Variants in SMIM14 observed in about 807,000 individuals in gnomAD.
The protein encoded by SMIM14 is small integral membrane protein 14, also known as chromosome 4 open reading frame 34.
In SMIM14, 5 loss-of-function variants were observed where a neutral mutation model predicts 12.6. The observed-to-expected ratio is 0.40, with a 90% CI of 0.21 to 0.83. The LOEUF (loss-of-function observed/expected upper bound fraction) is 0.83. Ranked by LOEUF, SMIM14 falls within the 40% of genes least tolerant of loss-of-function variation. The probability of loss-of-function intolerance (pLI) is 0.37; values close to 1 mark genes in which losing one functional copy is unlikely to be tolerated. For missense variants in SMIM14, 86 were observed against 119.1 expected, an observed-to-expected ratio of 0.72 and a Z score of 1.29; for synonymous variants, 30 against 40.1, an observed-to-expected ratio of 0.75 and a Z score of 0.95.
At chr4:39,607,797 T>C (rs938623678) in intron 1 of SMIM14, among the ~76,000 whole-genome samples, 3 of 152,200 alleles carry the variant, frequency 2.0e-5, no homozygotes, top group African/African-American at 7.2e-5. Context: ...GATAAAGGTT[T>C]AGTATTCACA....
rs188306721 is a variant in SMIM14 at position 39,558,998 on chromosome 4, G to A, written c.125-2428C>T. ...GCTGGGATTACAGGCATGAGCCACC[G>A]CGCCTGGCTGCAGTTTCTTATAAAA... On this transcript the variant is annotated intron_variant, in intron 3 of 4. Transcript: ENST00000295958. This position sits in a 1 kb window ranked among gnomAD's most constrained non-coding sequence, Gnocchi z 4.3. 2.0e-5 allele frequency among the ~76,000 whole-genome samples: 3 copies of A among 152,274 alleles called. No homozygotes were observed. Among genetic ancestry groups the A allele is most frequent in the East Asian group, 3.9e-4 (2 of 5,182 alleles).
intron 2 of SMIM14, among the ~76,000 whole-genome samples, chr4:39,574,443 A>G (rs1017723852): frequency 6.6e-5 from 10 of 152,010 alleles, no homozygotes; most frequent in African/African-American, 2.4e-4. Context: ...AGGTTTCACC[A>G]TGTTGCCCAG....
At chr4:39,554,707 T>C (rs887343988) in intron 4 of SMIM14, among the ~76,000 whole-genome samples, 2 of 148,780 alleles carry the variant, frequency 1.3e-5, no homozygotes, top group African/African-American at 5.0e-5. Context: ...TTTTTAATTA[T>C]AAATTTTAAC....
intron 2 of SMIM14, among the ~76,000 whole-genome samples, chr4:39,576,132 T>C (rs1465966883): frequency 7.0e-6 from 1 of 142,996 alleles, no homozygotes; most frequent in Non-Finnish European, 1.5e-5. Flanking sequence ...TGATCTCAAG[T>C]GATCCACTTG....
intron 3 of SMIM14, among the ~76,000 whole-genome samples, chr4:39,566,848 T>G (rs919425206): frequency 2.0e-5 from 3 of 152,084 alleles, no homozygotes; most frequent in African/African-American, 7.2e-5. Context: ...GCACCTGTAG[T>G]CCCAGCTACT....
At chr4:39,611,499 C>T (rs1196415946) in intron 1 of SMIM14, among the ~76,000 whole-genome samples, 1 of 149,572 alleles carries the variant, frequency 6.7e-6, no homozygotes, top group Non-Finnish European at 1.5e-5. Context: ...GAGCAAGACT[C>T]CATCTCAAAA....
intron 1 of SMIM14, among the ~76,000 whole-genome samples, chr4:39,615,212 G>C (rs979312256): frequency 6.6e-6 from 1 of 152,152 alleles, no homozygotes; most frequent in Admixed American, 6.5e-5. Context: ...TGGGATTACA[G>C]GCGTGAGCCA....
At chr4:39,607,700 T>C (rs1714865056) in intron 1 of SMIM14, among the ~76,000 whole-genome samples, 1 of 152,188 alleles carries the variant, frequency 6.6e-6, no homozygotes, top group Non-Finnish European at 1.5e-5. Context: ...TTTTAAATTA[T>C]AAATACAAAC....
intron 2 of SMIM14, among the ~76,000 whole-genome samples, chr4:39,573,803 A>G (rs1713020882): frequency 6.6e-6 from 1 of 152,204 alleles, no homozygotes; most frequent in African/African-American, 2.4e-5. Flanking sequence ...GAGTTACCAC[A>G]AGGAGTGAAG....
chr4:39,595,409 TG>T (rs1241441569), intron 2 of SMIM14, among the ~76,000 whole-genome samples: 4 of 68,490 alleles, frequency 5.8e-5, no homozygotes, highest in African/African-American at 2.5e-4. Context: ...TGTTGTGGGG[TG>T]GGGGGAGGGG....
At chr4:39,604,090 C>T (rs1439850927) in intron 2 of SMIM14, among the ~76,000 whole-genome samples, 1 of 151,770 alleles carries the variant, frequency 6.6e-6, no homozygotes, top group Non-Finnish European at 1.5e-5. Context: ...TGAACTATAT[C>T]ATAACAGGAA....
intron 1 of SMIM14, among the ~76,000 whole-genome samples, chr4:39,636,970 GA>G (rs1221916933): frequency 3.9e-5 from 6 of 152,204 alleles, no homozygotes; most frequent in Non-Finnish European, 8.8e-5. Context: ...TGAAACCACG[GA>G]TAAGGGGGCA....
intron 1 of SMIM14, among the ~76,000 whole-genome samples, chr4:39,612,934 A>G (rs1402951818): frequency 6.6e-6 from 1 of 152,252 alleles, no homozygotes; most frequent in Admixed American, 6.5e-5. Context: ...AATTAAATAC[A>G]GAAATGACCA....
chr4:39,619,876 A>ATTTTTTT (rs368919092), intron 1 of SMIM14, among the ~76,000 whole-genome samples: 12 of 115,868 alleles, frequency 1.0e-4, no homozygotes, highest in African/African-American at 4.1e-4. Context: ...ATATATATAT[A>ATTTTTTT]TTTTTTTTTT....
Position 39,569,738 on chromosome 4 carries a change from AAAAAAAAAG to A in SMIM14, c.124+2668_124+2676del, listed in dbSNP as rs1289028783. Among the ~76,000 whole-genome samples, 68 of 69,828 alleles carry A rather than the reference AAAAAAAAAG, an allele frequency of 9.7e-4. 1 individual carries two copies. The highest frequency in any genetic ancestry group is 3.1e-3 in the Admixed American group (17 of 5,498). The allele number at this position is 69,828 out of a possible 152,430, so 45.8% of individuals were successfully genotyped here. A position where few individuals can be genotyped will look rare whatever the true frequency, so the allele number is the denominator to read the frequency against. ...GGCGACAAAGCGAGACTCTGTCTCAAAAAAAAAAGAAAAAAAGAAAAAAAGAAATTATTT... is the reference window on the plus strand; with the variant it reads ...GGCGACAAAGCGAGACTCTGTCTCAAAAAAAAAGAAAAAAAGAAATTATTT... On this transcript the variant is annotated intron_variant, in intron 3 of 4. Transcript: ENST00000295958.
At chr4:39,578,622 A>G (rs1313354661) in intron 2 of SMIM14, among the ~76,000 whole-genome samples, 2 of 152,162 alleles carry the variant, frequency 1.3e-5, no homozygotes, top group African/African-American at 4.8e-5. Context: ...TGATGCCAAG[A>G]AAGAAGTAAA....
At chr4:39,567,263 T>G (rs1209537853) in intron 3 of SMIM14, among the ~76,000 whole-genome samples, 1 of 150,930 alleles carries the variant, frequency 6.6e-6, no homozygotes, top group African/African-American at 2.4e-5. Context: ...ATTTCTCAGA[T>G]TACAACTTTA....
At chr4:39,588,744 A>G (rs4342194) in intron 2 of SMIM14, among the ~76,000 whole-genome samples, 93,458 of 151,770 alleles carry the variant, frequency 0.62, 31,261 homozygotes, top group Middle Eastern at 0.82. Flanking sequence ...AAAGCTAAGT[A>G]TGGGGAAAGG....
At chr4:39,575,908 T>C (rs1713146039) in intron 2 of SMIM14, among the ~76,000 whole-genome samples, 1 of 150,832 alleles carries the variant, frequency 6.6e-6, no homozygotes, top group Non-Finnish European at 1.5e-5. Context: ...TTTTTTTTTT[T>C]TTTGAGATGG....
Sources: allele counts gnomAD v4.1 joint callset (sites outside exome capture counted in the v4.1 genomes callset), GRCh38; gene constraint gnomAD v4.1.1; non-coding constraint Gnocchi (gnomAD v3.1); transcripts MANE v1.5; gene names NCBI Gene and HGNC (gene_info 2026-07-23, HGNC 2026-07-21).